KCND3: variants seen among roughly 807,000 people sequenced by gnomAD.
The protein encoded by KCND3 is potassium voltage-gated channel subfamily D member 3.
KCND3 carries 9 observed loss-of-function variants against 51.1 expected under a neutral mutation model. The observed-to-expected ratio is 0.18, with a 90% confidence interval of 0.11 to 0.31. KCND3 has a LOEUF of 0.31. Ranked by LOEUF, KCND3 falls within the 10% of genes least tolerant of loss-of-function variation. KCND3 has a pLI of 1.00. For synonymous variants in KCND3, 349 were observed against 368.0 expected (o/e 0.95, Z 0.59); for missense variants, 526 against 903.8 (o/e 0.58, Z 5.36).
At chr1:111,931,983 C>G (rs1671995656) in intron 2 of KCND3, among the ~76,000 whole-genome samples, 1 of 152,232 alleles carries the variant, frequency 6.6e-6, no homozygotes, top group African/African-American at 2.4e-5. Flanking sequence ...GTATACAGTT[C>G]TGGAGATAAC....
chr1:111,962,739 T>C (rs1318255807), intron 2 of KCND3, among the ~76,000 whole-genome samples: 6 of 152,228 alleles, frequency 3.9e-5, no homozygotes, highest in Admixed American at 2.0e-4. Flanking sequence ...GGCCACCAAC[T>C]CTTTTCATCC....
chr1:111,980,758 C>G (rs1267443051), intron 2 of KCND3, among the ~76,000 whole-genome samples: 1 of 152,170 alleles, frequency 6.6e-6, no homozygotes, highest in Non-Finnish European at 1.5e-5. Flanking sequence ...CCTTCCTGAG[C>G]CCCCTTCCTC....
chr1:111,971,310 A>C (rs536543289), intron 2 of KCND3, among the ~76,000 whole-genome samples: 1,919 of 148,720 alleles, frequency 0.013, 37 homozygotes, highest in African/African-American at 0.044. Flanking sequence ...AAAAAAAAAA[A>C]AACACCACAA....
At chr1:111,881,455 C>T (rs528779) in intron 2 of KCND3, among the ~76,000 whole-genome samples, 116,886 of 152,158 alleles carry the variant, frequency 0.77, 45,085 homozygotes, top group East Asian at 1. Context: ...TCTCATCTGG[C>T]CTCTCAGGTT....
At chr1:111,940,073 GTTTTTT>G (rs61088602) in intron 2 of KCND3, among the ~76,000 whole-genome samples, 1,328 of 85,508 alleles carry the variant, frequency 0.016, 2 homozygotes, top group Admixed American at 0.023. Context: ...CTTTTTGATG[GTTTTTT>G]TTTTTTTTTT....
intron 2 of KCND3, among the ~76,000 whole-genome samples, chr1:111,969,852 C>A (rs915422595): frequency 6.6e-6 from 1 of 152,158 alleles, no homozygotes; most frequent in Non-Finnish European, 1.5e-5. Context: ...AAACCAACTG[C>A]GGATGACACT....
At chr1:111,891,267 A>G (rs975697189) in intron 2 of KCND3, among the ~76,000 whole-genome samples, 1 of 152,212 alleles carries the variant, frequency 6.6e-6, no homozygotes, top group African/African-American at 2.4e-5. Context: ...AGAATGGGCA[A>G]GAGATGAATC....
At chr1:111,974,339 A>C (rs891374087) in intron 2 of KCND3, among the ~76,000 whole-genome samples, 1 of 151,592 alleles carries the variant, frequency 6.6e-6, no homozygotes, top group East Asian at 1.9e-4. Context: ...CTTCCAAATA[A>C]ATTTCTGGGG....
chr1:111,772,122 G>C lies in KCND3; in HGVS notation c.*3955C>G, dbSNP rs1448520585. The C allele has an allele frequency of 1.3e-5, 2 of 152,170 alleles. No homozygotes were observed. The highest frequency in any genetic ancestry group is 3.8e-4 in the East Asian group (2 of 5,202). 9.4% of individuals were successfully genotyped at this position (152,170 alleles called of 1,614,324 possible). A position where few individuals can be genotyped will look rare whatever the true frequency, so the allele number is the denominator to read the frequency against. ...CATGTGAACTTGGATAAGTCGTTCAGTTTCTTTCCACATGTTTTCCCCTCT... is the reference window on the plus strand; with the variant it reads ...CATGTGAACTTGGATAAGTCGTTCACTTTCTTTCCACATGTTTTCCCCTCT... On this transcript the variant is annotated 3_prime_UTR_variant, in exon 8 of 8. Coordinates refer to ENST00000302127, the MANE Select transcript of KCND3 (RefSeq NM_001378969.1).
intron 2 of KCND3, among the ~76,000 whole-genome samples, chr1:111,975,455 G>A (rs1055143938): frequency 1.3e-5 from 2 of 152,138 alleles, no homozygotes; most frequent in African/African-American, 2.4e-5. Flanking sequence ...GCTTCCTGGT[G>A]CCTCTACATT....
chr1:111,948,569 G>C (rs1672904967), intron 2 of KCND3, among the ~76,000 whole-genome samples: 1 of 152,210 alleles, frequency 6.6e-6, no homozygotes, highest in Admixed American at 6.5e-5. Context: ...GGGTTGGAGA[G>C]AGTTCCTATC....
At chr1:111,837,158 G>T (rs1000666696) in intron 2 of KCND3, among the ~76,000 whole-genome samples, 2 of 152,100 alleles carry the variant, frequency 1.3e-5, no homozygotes, top group African/African-American at 4.8e-5. Context: ...ATCCAGACAG[G>T]CTTAGGGACA....
At chr1:111,933,294 G>T (rs1255704637) in intron 2 of KCND3, among the ~76,000 whole-genome samples, 1 of 152,150 alleles carries the variant, frequency 6.6e-6, no homozygotes, top group Admixed American at 6.5e-5. Flanking sequence ...CTTCATGGCA[G>T]CCTGAGGTTG....
intron 2 of KCND3, among the ~76,000 whole-genome samples, chr1:111,934,055 C>T (rs1034751244): frequency 2.6e-5 from 4 of 152,182 alleles, no homozygotes; most frequent in Non-Finnish European, 5.9e-5. Flanking sequence ...CTCCCAAAGG[C>T]CCTGGGGAAG....
At position 111,981,797 on chromosome 1, in the gene KCND3, C is replaced by A. The variant is rs577883061; in HGVS notation, c.930G>T (p.Leu310=). The A allele has an allele frequency of 6.2e-7, 1 of 1,613,998 alleles. No individual in the cohort carries two copies. Among genetic ancestry groups the A allele is most frequent in the Non-Finnish European group, 8.5e-7 (1 of 1,180,026 alleles). Residue 310 remains leucine (L), a synonymous_variant, in exon 2 of 8, where the codon CTG becomes CTT. Transcript: ENST00000302127. The surrounding 1 kb of genome is among the most constrained non-coding windows in gnomAD (Gnocchi z 6.2). ...FSRHSQGLRI[L]GYTLKSCASE... ...AGGCACAGCTCTTCAGTGTGTAGCCCAGGATCCGCAGGCCCTGGGAGTGGC... is the reference window on the plus strand; with the variant it reads ...AGGCACAGCTCTTCAGTGTGTAGCCAAGGATCCGCAGGCCCTGGGAGTGGC...
At chr1:111,809,560 G>A (rs917701295) in intron 2 of KCND3, among the ~76,000 whole-genome samples, 21 of 152,002 alleles carry the variant, frequency 1.4e-4, no homozygotes, top group Non-Finnish European at 2.6e-4. Flanking sequence ...TACCTGCCTC[G>A]GCCTCCCAAA....
At chr1:111,842,864 G>C (rs1184092700) in intron 2 of KCND3, among the ~76,000 whole-genome samples, 1 of 152,188 alleles carries the variant, frequency 6.6e-6, no homozygotes, top group East Asian at 1.9e-4. Flanking sequence ...CTTCTGCTTT[G>C]GGTCCTTGGA....
At position 111,981,520 on chromosome 1, in the gene KCND3, C is replaced by G; in HGVS notation, c.1106+101G>C. The G allele has an allele frequency of 6.5e-7, 1 of 1,541,180 alleles. No homozygotes were observed. The highest frequency in any genetic ancestry group is 9.0e-7 in the Non-Finnish European group (1 of 1,116,096). The stretch of plus-strand genomic sequence containing the variant: ...CTGCCCCCAACACTTGGGTAAGGGA[C>G]TCCCTCCTCCTCTACCCATGGTGAC... On this transcript the variant is annotated intron_variant, in intron 2 of 7. Transcript: ENST00000302127. This position sits in a 1 kb window ranked among gnomAD's most constrained non-coding sequence, Gnocchi z 6.2.
intron 2 of KCND3, among the ~76,000 whole-genome samples, chr1:111,828,601 C>T (rs1666684392): frequency 6.6e-6 from 1 of 152,168 alleles, no homozygotes; most frequent in African/African-American, 2.4e-5. Flanking sequence ...CAGGACCATC[C>T]TGAGTAGGAC....
Sources: allele counts gnomAD v4.1 joint callset (sites outside exome capture counted in the v4.1 genomes callset), GRCh38; gene constraint gnomAD v4.1.1; non-coding constraint Gnocchi (gnomAD v3.1); transcripts MANE v1.5; gene names NCBI Gene and HGNC (gene_info 2026-07-23, HGNC 2026-07-21).